Variants in MSL3B observed in about 807,000 individuals in gnomAD.
The protein encoded by MSL3B is MSL complex subunit 3B.
At chr2:233,866,350 G>GT in the MSL3B span, 1 of 837,292 alleles carries the variant, frequency 1.2e-6, no homozygotes, top group East Asian at 2.5e-5. Flanking sequence ...CCCCGTAAAT[G>GT]TAAGAGGGTG....
chr2:233,866,983 A>G, the MSL3B span: 1 of 1,323,242 alleles, frequency 7.6e-7, no homozygotes, highest in Non-Finnish European at 1.1e-6. Context: ...TCATGCTGGC[A>G]TGTGGCATAG....
At chr2:233,866,016 C>T in the MSL3B span, 5 of 384,672 alleles carry the variant, frequency 1.3e-5, no homozygotes, top group Non-Finnish European at 2.5e-5. Flanking sequence ...TCAAAGCCCC[C>T]TGGTGGGCAC....
the MSL3B span, chr2:233,865,469 A>G: frequency 1.3e-5 from 2 of 152,326 alleles, no homozygotes; most frequent in East Asian, 3.9e-4. Flanking sequence ...CTTTATTTAG[A>G]TCACCAAAAA....
the MSL3B span, among the ~76,000 whole-genome samples, chr2:233,867,620 C>T: frequency 2.0e-5 from 3 of 151,484 alleles, no homozygotes; most frequent in South Asian, 6.3e-4. Context: ...GGATTATAGG[C>T]GCCCACCACC....
the MSL3B span, chr2:233,865,814 G>C: frequency 5.7e-6 from 1 of 176,808 alleles, no homozygotes; most frequent in African/African-American, 2.4e-5. Flanking sequence ...TAACTGCAAT[G>C]TCTGCTGAAA....
chr2:233,865,380 G>A, the MSL3B span: 5 of 151,964 alleles, frequency 3.3e-5, no homozygotes, highest in African/African-American at 4.8e-5. Flanking sequence ...AAATGAATAC[G>A]TAGCATTCTC....
At chr2:233,867,182 G>A in the MSL3B span, 2 of 783,472 alleles carry the variant, frequency 2.6e-6, no homozygotes, top group African/African-American at 1.7e-5. Flanking sequence ...TAGAGTTACT[G>A]TTCTTTCTTC....
the MSL3B span, chr2:233,866,639 G>A: frequency 7.6e-6 from 6 of 794,564 alleles, no homozygotes; most frequent in South Asian, 1.3e-5. Flanking sequence ...GGTGTGGGGC[G>A]AGGACCGCCT....
chr2:233,866,536 C>A, the MSL3B span: 1 of 1,098,770 alleles, frequency 9.1e-7, no homozygotes, highest in South Asian at 1.2e-5. Flanking sequence ...TTTCCAGGTG[C>A]AGGAACAGCT....
chr2:233,866,367 G>A, the MSL3B span: 1 of 875,880 alleles, frequency 1.1e-6, no homozygotes, highest in Non-Finnish European at 2.0e-6. Flanking sequence ...GGTGGAGGTG[G>A]CTGGTCACCT....
At chr2:233,866,551 C>G in the MSL3B span, 4 of 979,274 alleles carry the variant, frequency 4.1e-6, no homozygotes, top group South Asian at 2.5e-5. Flanking sequence ...ACAGCTTGGG[C>G]ACACTGGTGG....
At chr2:233,867,064 CA>C in the MSL3B span, 2 of 1,204,540 alleles carry the variant, frequency 1.7e-6, no homozygotes, top group Non-Finnish European at 2.5e-6. Flanking sequence ...CATAGGATTC[CA>C]AAATCGTTAT....
the MSL3B span, chr2:233,867,483 C>T: frequency 8.8e-6 from 3 of 339,480 alleles, no homozygotes; most frequent in East Asian, 8.3e-5. Flanking sequence ...TTCTTTCTTT[C>T]TTTTTTTTGT....
At chr2:233,866,377 T>A in the MSL3B span, 10 of 920,912 alleles carry the variant, frequency 1.1e-5, no homozygotes, top group East Asian at 2.4e-4. Context: ...GCTGGTCACC[T>A]GGTGGGTAAT....
the MSL3B span, chr2:233,867,149 C>G: frequency 1.2e-6 from 1 of 803,594 alleles, no homozygotes; most frequent in Non-Finnish European, 2.3e-6. Flanking sequence ...CTCCAGCTGC[C>G]TCTTCAGAAC....
At chr2:233,864,929 G>A in the MSL3B span, among the ~76,000 whole-genome samples, 5 of 149,540 alleles carry the variant, frequency 3.3e-5, no homozygotes, top group East Asian at 3.9e-4. Context: ...GGACACTTAC[G>A]GGTTTTGCTC....
At chr2:233,866,390 T>G in the MSL3B span, 5 of 996,032 alleles carry the variant, frequency 5.0e-6, no homozygotes, top group Non-Finnish European at 8.1e-6. Context: ...TGGGTAATTG[T>G]CAGGTACGAG....
the MSL3B span, chr2:233,866,445 C>A: frequency 8.0e-7 from 1 of 1,254,378 alleles, no homozygotes; most frequent in Non-Finnish European, 1.2e-6. Context: ...CTTCTCCCTT[C>A]AAAGCCAGCA....
At chr2:233,866,235 CA>C in the MSL3B span, 6 of 697,092 alleles carry the variant, frequency 8.6e-6, no homozygotes, top group Non-Finnish European at 1.4e-5. Flanking sequence ...AAAAACCTCA[CA>C]AAGAGATCAA....
Sources: allele counts gnomAD v4.1 joint callset (sites outside exome capture counted in the v4.1 genomes callset), GRCh38; gene constraint gnomAD v4.1.1; transcripts MANE v1.5; gene names NCBI Gene and HGNC (gene_info 2026-07-23, HGNC 2026-07-21).